Variants in EEF1A1 observed in about 807,000 individuals in gnomAD.
EEF1A1 encodes elongation factor 1-alpha 1.
EEF1A1 carries 1 observed loss-of-function variant against 38.5 expected under a neutral mutation model. The observed-to-expected ratio is 0.03, with a 90% CI of 0.01 to 0.12. The LOEUF is 0.12. Among genes scored for constraint, EEF1A1 ranks in the 10% least tolerant of loss-of-function variants. EEF1A1 has a pLI of 1.00. For synonymous variants in EEF1A1, 229 were observed against 203.7 expected, an observed-to-expected ratio of 1.12 and a Z score of -1.06; for missense variants, 184 against 588.3, an observed-to-expected ratio of 0.31 and a Z score of 7.11.
Position 73,515,922 on chromosome 6 carries a change from A to G in EEF1A1, c.*1888T>C, listed in dbSNP as rs1008765719. ...TTCCAGTGGGAACAATTTTTCAGTTAAATCTTGCTTCCTTGCATGTCAAGA... is the reference window on the plus strand; with the variant it reads ...TTCCAGTGGGAACAATTTTTCAGTTGAATCTTGCTTCCTTGCATGTCAAGA... On this transcript the variant is annotated 3_prime_UTR_variant, in exon 8 of 8. Coordinates refer to ENST00000309268, the MANE Select transcript of EEF1A1 (RefSeq NM_001402.6). 1.3e-5 allele frequency: 2 copies of G among 152,192 alleles called. No homozygotes were observed. The highest frequency in any genetic ancestry group is 4.8e-5 in the African/African-American group (2 of 41,428). 9.4% of individuals were successfully genotyped at this position (152,192 alleles called of 1,614,324 possible).
In EEF1A1 at chr6:73,516,957, T is replaced by C. The variant is rs1446042561; in HGVS notation, c.*853A>G. Reference sequence around the variant, plus strand: ...AGTCTAATTTTATAGCTACTTCAAATTGCCATCTTTTTCTATTAGAACCTT... The same window carrying C: ...AGTCTAATTTTATAGCTACTTCAAACTGCCATCTTTTTCTATTAGAACCTT... On this transcript the variant is annotated 3_prime_UTR_variant, in exon 8 of 8. Coordinates refer to ENST00000309268, the MANE Select transcript of EEF1A1 (RefSeq NM_001402.6). 2 of 152,228 alleles carry C rather than the reference T, an allele frequency of 1.3e-5. No homozygotes were observed. The highest frequency in any genetic ancestry group is 2.9e-5 in the Non-Finnish European group (2 of 68,044). 9.4% of individuals were successfully genotyped at this position (152,228 alleles called of 1,614,324 possible).
Position 73,520,224 on chromosome 6 carries a change from C to A in EEF1A1, c.-30-168G>T, listed in dbSNP as rs980074855. On this transcript the variant is annotated intron_variant, in intron 1 of 7. Coordinates refer to ENST00000309268, the MANE Select transcript of EEF1A1 (RefSeq NM_001402.6). ...GGAAACTCCATCGCATAAAACCCCTCCCCCCAACCTAAAGACGACGTACTC... is the reference window on the plus strand; with the variant it reads ...GGAAACTCCATCGCATAAAACCCCTACCCCCAACCTAAAGACGACGTACTC... The A allele has an allele frequency of 5.2e-5, 31 of 591,322 alleles. No homozygotes were observed. In the South Asian group the frequency reaches 6.8e-4, roughly 13 times the overall value. The allele number at this position is 591,322 out of a possible 1,614,324, so 36.6% of individuals were successfully genotyped here. A position where few individuals can be genotyped will look rare whatever the true frequency, so the allele number is the denominator to read the frequency against.
Position 73,519,468 on chromosome 6 carries a change from C to A in EEF1A1, c.193G>T (p.Ala65Ser). The A allele has an allele frequency of 6.2e-7, 1 of 1,600,694 alleles. No homozygotes were observed. Among genetic ancestry groups the A allele is most frequent in the Non-Finnish European group, 8.5e-7 (1 of 1,179,444 alleles). ...KYAWVLDKLK[A>S]ERERGITIDI... ...ATGGTGATACCACGTTCACGCTCAGCTTTCAGTTTATCCAAGACCCAGGCA... is the reference window on the plus strand; with the variant it reads ...ATGGTGATACCACGTTCACGCTCAGATTTCAGTTTATCCAAGACCCAGGCA... The change falls in exon 3 of 8, where the codon GCT becomes TCT. Residue 65 changes from alanine to serine, a missense_variant. Physicochemically the swap from Ala to Ser is moderately conservative, Grantham distance 99. Transcript: ENST00000309268.
At position 73,519,295 on chromosome 6, in the gene EEF1A1, C is replaced by G. The variant is rs758764222; in HGVS notation, c.324+42G>C. On this transcript the variant is annotated intron_variant, in intron 3 of 7. Coordinates refer to ENST00000309268, the MANE Select transcript of EEF1A1 (RefSeq NM_001402.6). ...TGACAAAACCAGTGTACAAAGCAAG[C>G]CTTTTGGGATAAAGAAACCTAGAAT... The G allele has an allele frequency of 3.1e-6, 5 of 1,606,606 alleles. 1 individual carries two copies. The South Asian group carries it at 3.3e-5, about 11-fold the overall frequency.
rs767779314 is a variant in EEF1A1, at chr6:73,518,863, T to C, written c.622-15A>G. ...AACCAAGGCATCTGAAACACAAGCA[T>C]GCCAATTTGTGTAAGCATGAAATCG... On this transcript the variant is annotated splice_polypyrimidine_tract_variant and intron_variant, in intron 4 of 7. Coordinates refer to ENST00000309268, the MANE Select transcript of EEF1A1 (RefSeq NM_001402.6). The C allele has an allele frequency of 9.9e-6, 16 of 1,612,768 alleles. 1 individual carries two copies. The East Asian group carries it at 3.6e-4, about 36-fold the overall frequency.
chr6:73,519,294 G>C, intron 3 of EEF1A1, 43 bp downstream of exon 3: 1 of 1,606,746 alleles, frequency 6.2e-7, no homozygotes, highest in Non-Finnish European at 8.5e-7. Flanking sequence ...TACAAAGCAA[G>C]CCTTTTGGGA....
intron 1 of EEF1A1, 21 bp from the exon 2 acceptor site, chr6:73,520,077 T>G: frequency 2.5e-6 from 4 of 1,569,632 alleles, no homozygotes; most frequent in Non-Finnish European, 2.6e-6. Context: ...AGAAAAAAAC[T>G]TTGAACCACT....
At chr6:73,520,198 G>A in intron 1 of EEF1A1, 142 bp from the exon 2 acceptor site, 1 of 724,890 alleles carries the variant, frequency 1.4e-6, no homozygotes, top group Admixed American at 3.1e-5. Flanking sequence ...ACTCAGTGTG[G>A]GGAAACTCCA....
At chr6:73,520,535 G>C (rs1311640793) in intron 1 of EEF1A1, 2 of 152,764 alleles carry the variant, frequency 1.3e-5, no homozygotes, top group Admixed American at 6.5e-5. Context: ...GCCAGCTTGA[G>C]ACTACCCCCG....
At chr6:73,520,442 G>GC (rs1322165935) in intron 1 of EEF1A1, 1 of 161,600 alleles carries the variant, frequency 6.2e-6, no homozygotes, top group Non-Finnish European at 1.4e-5. Flanking sequence ...TTCCGCTCAC[G>GC]CAACTGGTGC....
chr6:73,517,714 T>C lies in EEF1A1; in HGVS notation c.*96A>G. On this transcript the variant is annotated 3_prime_UTR_variant, in exon 8 of 8. Coordinates refer to ENST00000309268, the MANE Select transcript of EEF1A1 (RefSeq NM_001402.6). ...GCATTGTTATCATTAACCAGTCTTT[T>C]ACTACTAAACTTAAATGGCCAATTG... is the stretch of plus-strand genomic sequence containing the variant. 3.2e-6 allele frequency: 2 copies of C among 634,862 alleles called. No individual in the cohort carries two copies. The highest frequency in any genetic ancestry group is 3.2e-5 in the Admixed American group (1 of 30,914). 39.3% of individuals were successfully genotyped at this position (634,862 alleles called of 1,614,324 possible). A position where few individuals can be genotyped will look rare whatever the true frequency, so the allele number is the denominator to read the frequency against.
intron 1 of EEF1A1, 29 bp downstream of exon 1, chr6:73,520,971 G>A (rs1353290531): frequency 1.3e-5 from 2 of 153,208 alleles, no homozygotes; most frequent in Non-Finnish European, 2.9e-5. Context: ...AAAGAGGCCA[G>A]GCCCGCGGGA....
intron 2 of EEF1A1, 113 bp downstream of exon 2, chr6:73,519,769 CT>C (rs1765606188): frequency 4.1e-6 from 6 of 1,469,652 alleles, no homozygotes; most frequent in Non-Finnish European, 4.6e-6. Context: ...TAAGTAAGGT[CT>C]TAACTATTAG....
In EEF1A1 at chr6:73,520,088, G is replaced by A. The variant is rs1433338813; in HGVS notation, c.-30-32C>T. The A allele has an allele frequency of 5.8e-6, 9 of 1,549,914 alleles. No individual in the cohort carries two copies. The Admixed American group carries it at 1.2e-4, about 21-fold the overall frequency. ...TGGAAGAAAAAAACTTTGAACCACT[G>A]TCTGAGGCTTGAGAATGAACCAAGA... is the stretch of plus-strand genomic sequence containing the variant. On this transcript the variant is annotated intron_variant, in intron 1 of 7. Coordinates refer to ENST00000309268, the MANE Select transcript of EEF1A1 (RefSeq NM_001402.6).
In EEF1A1 at chr6:73,517,434, CAAG is replaced by C. The variant is rs1264529962; in HGVS notation, c.*373_*375del. ...AGTGTTAACTCAAGAATTACATTTT[CAAG>C]AAGTTTCCAGATTCGTAAAACCAGA... On this transcript the variant is annotated 3_prime_UTR_variant, in exon 8 of 8. Transcript: ENST00000309268. 1 of 190,184 alleles carries C rather than the reference CAAG, an allele frequency of 5.3e-6. No homozygotes were observed. Among genetic ancestry groups the C allele is most frequent in the Non-Finnish European group, 1.1e-5 (1 of 91,940 alleles). The allele number at this position is 190,184 out of a possible 1,614,324, so 11.8% of individuals were successfully genotyped here.
In EEF1A1 at chr6:73,518,338, T is replaced by C; in HGVS notation, c.1029+16A>G. 2 of 1,612,446 alleles carry C rather than the reference T, an allele frequency of 1.2e-6. No homozygotes were observed. Among genetic ancestry groups the C allele is most frequent in the Non-Finnish European group, 1.7e-6 (2 of 1,179,102 alleles). On this transcript the variant is annotated intron_variant, in intron 6 of 7. Transcript: ENST00000309268. ...TTTAGCCTCTGCAATAAGTTAATGT[T>C]ACTTTAAATTGTTACCTGAGCAGTG... is the stretch of plus-strand genomic sequence containing the variant.
intron 2 of EEF1A1, 152 bp downstream of exon 2, chr6:73,519,731 A>T: frequency 8.2e-7 from 1 of 1,225,452 alleles, no homozygotes; most frequent in Non-Finnish European, 1.1e-6. Flanking sequence ...ATACGATTAC[A>T]GAAGTCACCA....
intron 2 of EEF1A1, 78 bp downstream of exon 2, chr6:73,519,805 G>T: frequency 1.3e-6 from 2 of 1,587,814 alleles, no homozygotes; most frequent in Non-Finnish European, 8.6e-7. Flanking sequence ...CCACTCACTA[G>T]TTCTGGGGAA....
At position 73,517,505 on chromosome 6, in the gene EEF1A1, A is replaced by C. The variant is rs528878907; in HGVS notation, c.*305T>G. 27 of 319,084 alleles carry C rather than the reference A, an allele frequency of 8.5e-5. No individual in the cohort carries two copies. The highest frequency in any genetic ancestry group is 5.2e-4 in the African/African-American group (24 of 46,478). 19.8% of individuals were successfully genotyped at this position (319,084 alleles called of 1,614,324 possible). On this transcript the variant is annotated 3_prime_UTR_variant, in exon 8 of 8. Transcript: ENST00000309268. ...TAAATGTCTCGGTGTTGACCAAAGGAACACACAGGTTTCTCATTTAACTTT... is the reference window on the plus strand; with the variant it reads ...TAAATGTCTCGGTGTTGACCAAAGGCACACACAGGTTTCTCATTTAACTTT...
Sources: gnomAD v4.1 joint callset for allele counts on GRCh38, gnomAD v4.1.1 for gene constraint, MANE v1.5 for transcripts, NCBI Gene and HGNC (gene_info 2026-07-23, HGNC 2026-07-21) for gene names.